ST8SIA4: variants seen among roughly 807,000 people sequenced by gnomAD.
ST8SIA4 encodes ST8 alpha-N-acetyl-neuraminide alpha-2,8-sialyltransferase 4.
ST8SIA4 carries 15 observed loss-of-function variants against 33.9 expected under a neutral mutation model. The ratio of observed to expected loss-of-function variants is 0.44; its 90% CI spans 0.30 to 0.68. The LOEUF (loss-of-function observed/expected upper bound fraction) is 0.68, where lower values mean the gene tolerates loss of function less well. ST8SIA4 is among the 30% of genes least tolerant of loss of function. ST8SIA4 has a pLI of 0.10. For missense variants in ST8SIA4, 321 were observed against 428.0 expected (o/e 0.75, Z 2.21); for synonymous variants, 171 against 151.2 (o/e 1.13, Z -0.96).
rs1461506140 is a variant in ST8SIA4 at position 100,810,245 on chromosome 5, A to T, written c.*1602T>A. 1.3e-5 allele frequency: 2 copies of T among 152,216 alleles called. No individual in the cohort carries two copies. Among genetic ancestry groups the T allele is most frequent in the African/African-American group, 4.8e-5 (2 of 41,458 alleles). 9.4% of individuals were successfully genotyped at this position (152,216 alleles called of 1,614,324 possible). A position where few individuals can be genotyped will look rare whatever the true frequency, so the allele number is the denominator to read the frequency against. On this transcript the variant is annotated 3_prime_UTR_variant, in exon 5 of 5. Coordinates refer to ENST00000231461, the MANE Select transcript of ST8SIA4 (RefSeq NM_005668.6). The stretch of plus-strand genomic sequence containing the variant: ...TAATTTCATGTGTTTCTTGAAGAAC[A>T]TATGTGATATTGTGACTAAATTTAA...
At chr5:100,871,554 T>C (rs1460627307) in intron 3 of ST8SIA4, among the ~76,000 whole-genome samples, 1 of 152,074 alleles carries the variant, frequency 6.6e-6, no homozygotes, top group Non-Finnish European at 1.5e-5. Flanking sequence ...TATCCAGTTA[T>C]TTAGTGTCAA....
intron 4 of ST8SIA4, among the ~76,000 whole-genome samples, chr5:100,828,081 A>T (rs150105940): frequency 6.6e-6 from 1 of 152,312 alleles, no homozygotes; most frequent in Non-Finnish European, 1.5e-5. Context: ...ACATCTCACT[A>T]ATCAGAGCAA....
At chr5:100,865,820 C>T (rs1028528303) in intron 3 of ST8SIA4, among the ~76,000 whole-genome samples, 3 of 152,068 alleles carry the variant, frequency 2.0e-5, no homozygotes, top group African/African-American at 7.2e-5. Flanking sequence ...ATTTACTCTT[C>T]TTGCCACTGT....
intron 4 of ST8SIA4, among the ~76,000 whole-genome samples, chr5:100,852,345 C>T (rs1181693931): frequency 6.6e-6 from 1 of 151,666 alleles, no homozygotes; most frequent in Non-Finnish European, 1.5e-5. Context: ...TCGTCTCAAA[C>T]TCCTGACCTC....
chr5:100,847,080 G>A (rs916767015), intron 4 of ST8SIA4, among the ~76,000 whole-genome samples: 3 of 151,908 alleles, frequency 2.0e-5, no homozygotes, highest in African/African-American at 7.2e-5. Flanking sequence ...TACCTAATAC[G>A]CGGCATCTAG....
In ST8SIA4 at chr5:100,834,232, G is replaced by A. The variant is rs542916968; in HGVS notation, c.797+21871C>T. Among the ~76,000 whole-genome samples the A allele has an allele frequency of 5.9e-5, 9 of 152,084 alleles. No individual in the cohort carries two copies. The East Asian group carries it at 1.7e-3, about 29-fold the overall frequency. ...ATAAAAGAATAATAAAACATAGAAC[G>A]CTCTAGTGACAAAAGGAGCAATTGT... On this transcript the variant is annotated intron_variant, in intron 4 of 4. Coordinates refer to ENST00000231461, the MANE Select transcript of ST8SIA4 (RefSeq NM_005668.6).
At chr5:100,841,543 C>T (rs146087870) in intron 4 of ST8SIA4, among the ~76,000 whole-genome samples, 14 of 151,952 alleles carry the variant, frequency 9.2e-5, no homozygotes, top group Non-Finnish European at 1.8e-4. Context: ...AATTCTGTAG[C>T]GCAGTTATTG....
chr5:100,827,996 A>G (rs1751178197), intron 4 of ST8SIA4, among the ~76,000 whole-genome samples: 2 of 152,224 alleles, frequency 1.3e-5, no homozygotes, highest in African/African-American at 4.8e-5. Context: ...ATCTATTTCT[A>G]TATCCACTTA....
intron 2 of ST8SIA4, among the ~76,000 whole-genome samples, chr5:100,888,657 A>G (rs12163952): frequency 1.3e-5 from 2 of 152,088 alleles, no homozygotes; most frequent in East Asian, 3.9e-4. Context: ...AGAGCAGAAT[A>G]TAACCTCATC....
chr5:100,833,611 A>C (rs1561388405), intron 4 of ST8SIA4, among the ~76,000 whole-genome samples: 1 of 152,112 alleles, frequency 6.6e-6, no homozygotes. Context: ...CTATGTCAAA[A>C]GGGTTGTTTA....
intron 3 of ST8SIA4, among the ~76,000 whole-genome samples, chr5:100,872,322 C>A (rs1752213234): frequency 6.6e-6 from 1 of 151,786 alleles, no homozygotes; most frequent in African/African-American, 2.4e-5. Flanking sequence ...ACATTTTTTT[C>A]ATTTCTTTCT....
At chr5:100,885,549 A>G (rs2112471757) in intron 3 of ST8SIA4, 1 of 930,844 alleles carries the variant, frequency 1.1e-6, no homozygotes. Context: ...CTATCTTTAT[A>G]TTGTACTATT....
chr5:100,866,646 T>C (rs1752068869), intron 3 of ST8SIA4, among the ~76,000 whole-genome samples: 1 of 151,548 alleles, frequency 6.6e-6, no homozygotes, highest in African/African-American at 2.4e-5. Context: ...CACACACATA[T>C]ACATAAACTT....
intron 2 of ST8SIA4, among the ~76,000 whole-genome samples, chr5:100,894,106 T>C (rs1474639567): frequency 6.6e-6 from 1 of 152,112 alleles, no homozygotes; most frequent in African/African-American, 2.4e-5. Context: ...CAGAGAAGAA[T>C]GCACTTGACA....
chr5:100,869,534 C>A (rs1317366313), intron 3 of ST8SIA4, among the ~76,000 whole-genome samples: 1 of 151,902 alleles, frequency 6.6e-6, no homozygotes, highest in African/African-American at 2.4e-5. Flanking sequence ...CTTAGGGTGC[C>A]TTCTCTTTCA....
At chr5:100,886,165 A>G (rs1752531622) in intron 3 of ST8SIA4, 178 bp downstream of exon 3, 12 of 1,390,258 alleles carry the variant, frequency 8.6e-6, no homozygotes, top group Non-Finnish European at 9.3e-6. Flanking sequence ...CAACTACGCA[A>G]TAATTATAAT....
chr5:100,858,745 T>C (rs1396595303), intron 3 of ST8SIA4, among the ~76,000 whole-genome samples: 1 of 152,082 alleles, frequency 6.6e-6, no homozygotes, highest in Non-Finnish European at 1.5e-5. Context: ...ATTTAATTAA[T>C]GAATGCTAAA....
chr5:100,871,682 G>A (rs1286416648), intron 3 of ST8SIA4, among the ~76,000 whole-genome samples: 1 of 152,006 alleles, frequency 6.6e-6, no homozygotes, highest in Admixed American at 6.6e-5. Context: ...AGAAAATGCA[G>A]TGCCAATTTT....
intron 2 of ST8SIA4, among the ~76,000 whole-genome samples, chr5:100,892,132 G>A (rs1320187688): frequency 1.3e-5 from 2 of 151,970 alleles, no homozygotes; most frequent in African/African-American, 4.8e-5. Context: ...TATAATTGAT[G>A]TTTGCACTTT....
Sources: allele counts gnomAD v4.1 joint callset (sites outside exome capture counted in the v4.1 genomes callset), GRCh38; gene constraint gnomAD v4.1.1; transcripts MANE v1.5; gene names NCBI Gene and HGNC (gene_info 2026-07-23, HGNC 2026-07-21).